FREM1: variants seen among roughly 807,000 people sequenced by gnomAD.
FREM1 encodes FRAS1 related extracellular matrix 1.
FREM1 carries 220 observed loss-of-function variants against 210.1 expected under a neutral mutation model. That is an observed-to-expected ratio of 1.05 (90% CI 0.94 to 1.17). The LOEUF (loss-of-function observed/expected upper bound fraction) is 1.17, where lower values mean the gene tolerates loss of function less well. Among genes scored for constraint, FREM1 ranks in the 50% most tolerant of loss-of-function variants. The pLI, the probability that FREM1 is intolerant of heterozygous loss-of-function variation, is 0.00. For synonymous variants in FREM1, 1,189 were observed against 980.2 expected (o/e 1.21, Z -3.98); for missense variants, 3,454 against 2,675.5 (o/e 1.29, Z -6.42).
At chr9:14,755,855 A>G (rs923858354) in intron 29 of FREM1, among the ~76,000 whole-genome samples, 2 of 152,184 alleles carry the variant, frequency 1.3e-5, no homozygotes, top group African/African-American at 4.8e-5. Context: ...AGCCTTTTTT[A>G]TTTCCACTTG....
intron 8 of FREM1, among the ~76,000 whole-genome samples, chr9:14,843,440 C>G (rs1826031027): frequency 6.6e-6 from 1 of 152,206 alleles, no homozygotes; most frequent in African/African-American, 2.4e-5. Context: ...CAAGGAACCT[C>G]TCAGCCTCCG....
intron 21 of FREM1, among the ~76,000 whole-genome samples, chr9:14,796,512 C>T (rs1014018607): frequency 6.6e-6 from 1 of 152,180 alleles, no homozygotes; most frequent in Non-Finnish European, 1.5e-5. Context: ...ACTCTGAGCA[C>T]TTACAGAGAG....
At chr9:14,807,566 TA>T (rs1467683038) in intron 17 of FREM1, among the ~76,000 whole-genome samples, 3 of 152,090 alleles carry the variant, frequency 2.0e-5, no homozygotes, top group Non-Finnish European at 4.4e-5. Flanking sequence ...TTATTATGGA[TA>T]AAATAAATTA....
rs1850866119 is a variant in FREM1 at position 14,789,052 on chromosome 9, C to G, written c.4044G>C (p.Leu1348=). Residue 1348 remains leucine (L), a synonymous_variant, in exon 23 of 37, where the codon CTG becomes CTC. Transcript: ENST00000380880. ...GMKCTQEEVD[L]NLLRYTHTGA... ...CGGTGTGTGTGTATCTCAGCAAGTT[C>G]AGATCCACTTCCTCCTGAGTGCATT... 6 of 1,609,008 alleles carry G rather than the reference C, an allele frequency of 3.7e-6. No individual in the cohort carries two copies. The highest frequency in any genetic ancestry group is 5.1e-6 in the Non-Finnish European group (6 of 1,177,736).
chr9:14,826,117 G>A (rs1457716112), intron 10 of FREM1, among the ~76,000 whole-genome samples: 1 of 102,782 alleles, frequency 9.7e-6, no homozygotes, highest in Admixed American at 1.1e-4. Context: ...TTTTTTTGAG[G>A]AGTCTCACAC....
At chr9:14,814,772 G>C (rs943400290) in intron 15 of FREM1, among the ~76,000 whole-genome samples, 1 of 151,962 alleles carries the variant, frequency 6.6e-6, no homozygotes, top group Non-Finnish European at 1.5e-5. Flanking sequence ...ATAGAATTAA[G>C]AATATTCCTT....
chr9:14,843,486 C>CATAG (rs987081249), intron 8 of FREM1, among the ~76,000 whole-genome samples: 1 of 105,264 alleles, frequency 9.5e-6, no homozygotes, highest in Non-Finnish European at 1.9e-5. Flanking sequence ...TAAATCACCT[C>CATAG]ATAGATAGAT....
At chr9:14,792,006 G>A (rs571776873) in intron 22 of FREM1, among the ~76,000 whole-genome samples, 5 of 151,856 alleles carry the variant, frequency 3.3e-5, no homozygotes, top group South Asian at 2.1e-4. Context: ...TGCCACACCC[G>A]GCTAATTTTT....
In FREM1 at chr9:14,811,245, T is replaced by TA. The variant is rs1368941853; in HGVS notation, c.2893+1566_2893+1567insT. Among the ~76,000 whole-genome samples the TA allele has an allele frequency of 3.4e-5, 5 of 146,042 alleles. No individual in the cohort carries two copies. In the East Asian group the frequency reaches 5.9e-4, roughly 17 times the overall value. ...CCCCAATGTCCTACTGGGTTTTATT[T>TA]TAAAAAAAATTAGTTAATAGTCCCG... On this transcript the variant is annotated intron_variant, in intron 16 of 36. Coordinates refer to ENST00000380880, the MANE Select transcript of FREM1 (RefSeq NM_001379081.2).
At position 14,874,828 on chromosome 9, in the gene FREM1, G is replaced by A. The variant is rs1259697076; in HGVS notation, c.-267-5584C>T. Among the ~76,000 whole-genome samples, 7 of 152,218 alleles carry A rather than the reference G, an allele frequency of 4.6e-5. No individual in the cohort carries two copies. The East Asian group carries it at 1.2e-3, about 25-fold the overall frequency. On this transcript the variant is annotated intron_variant, in intron 1 of 36. Transcript: ENST00000380880. The stretch of plus-strand genomic sequence containing the variant: ...TACCGGTTGTTCCTTTCCATATTTA[G>A]TGCTTCCTTCAGGAGCTCTTTTAGG...
chr9:14,774,522 TC>T (rs1848216988), intron 25 of FREM1, among the ~76,000 whole-genome samples: 1 of 24,248 alleles, frequency 4.1e-5, no homozygotes, highest in African/African-American at 1.2e-4. Flanking sequence ...TCTCTCTCTC[TC>T]TCTCTCTCTC....
At chr9:14,769,164 C>T (rs551182803) in intron 27 of FREM1, among the ~76,000 whole-genome samples, 30 of 152,242 alleles carry the variant, frequency 2.0e-4, no homozygotes, top group African/African-American at 7.0e-4. Flanking sequence ...GAGGGTCATA[C>T]CCTTTATATA....
intron 18 of FREM1, among the ~76,000 whole-genome samples, chr9:14,805,754 G>A (rs1027454649): frequency 1.3e-5 from 2 of 152,128 alleles, no homozygotes; most frequent in African/African-American, 4.8e-5. Flanking sequence ...ATTTAAAATG[G>A]ACATTCTTCA....
chr9:14,759,855 C>G lies in FREM1; in HGVS notation c.5251G>C (p.Glu1751Gln). ...SHIEWSQTEY[E>Q]VCENVGLLPL... ...AACAAACCCACATTCTCACAGACTT[C>G]ATATTCGGTCTGTGACCATTCAATA... is the stretch of plus-strand genomic sequence containing the variant. The change falls in exon 28 of 37, where the codon GAA (glutamate) becomes CAA (glutamine). Residue 1751 changes from glutamate to glutamine, a missense_variant. Physicochemically the swap from Glu to Gln is conservative, Grantham distance 29. Transcript: ENST00000380880. The G allele has an allele frequency of 6.2e-7, 1 of 1,610,768 alleles. No homozygotes were observed. Among genetic ancestry groups the G allele is most frequent in the Non-Finnish European group, 8.5e-7 (1 of 1,177,290 alleles).
At chr9:14,755,160 G>A (rs755280626) in intron 29 of FREM1, among the ~76,000 whole-genome samples, 3 of 152,250 alleles carry the variant, frequency 2.0e-5, no homozygotes, top group East Asian at 1.9e-4. Flanking sequence ...TGAGACACTC[G>A]ATGTCTCTGT....
At chr9:14,812,511 A>G (rs78117704) in intron 16 of FREM1, among the ~76,000 whole-genome samples, 4,710 of 152,268 alleles carry the variant, frequency 0.031, 213 homozygotes, top group African/African-American at 0.1. Flanking sequence ...AACTACGATG[A>G]TCAAACTGAC....
intron 10 of FREM1, among the ~76,000 whole-genome samples, chr9:14,833,244 T>C (rs1325622344): frequency 1.3e-5 from 2 of 152,194 alleles, no homozygotes; most frequent in African/African-American, 4.8e-5. Flanking sequence ...CAAAATCTTG[T>C]AGCCTCCAGC....
At chr9:14,844,798 G>A (rs1417615753) in intron 8 of FREM1, among the ~76,000 whole-genome samples, 1 of 152,148 alleles carries the variant, frequency 6.6e-6, no homozygotes, top group Non-Finnish European at 1.5e-5. Context: ...TGTGCTCCTA[G>A]GAAAACTTGT....
intron 2 of FREM1, among the ~76,000 whole-genome samples, chr9:14,867,419 C>G (rs148809665): frequency 1.6e-4 from 24 of 152,304 alleles, no homozygotes; most frequent in Non-Finnish European, 3.1e-4. Flanking sequence ...TTGTTGAATT[C>G]TAACATGTTT....
Sources: allele counts gnomAD v4.1 joint callset (sites outside exome capture counted in the v4.1 genomes callset), GRCh38; gene constraint gnomAD v4.1.1; transcripts MANE v1.5; gene names NCBI Gene and HGNC (gene_info 2026-07-23, HGNC 2026-07-21).